Variants in KAZN observed in about 807,000 individuals in gnomAD.
KAZN encodes the protein kazrin.
Under a neutral mutation model 87.4 loss-of-function variants are expected in KAZN, and 40 were observed. The ratio of observed to expected loss-of-function variants is 0.46; its 90% CI spans 0.36 to 0.60. The LOEUF (loss-of-function observed/expected upper bound fraction) is 0.60, where lower values mean the gene tolerates loss of function less well. KAZN is among the 20% of genes least tolerant of loss of function. The pLI, the probability that KAZN is intolerant of heterozygous loss-of-function variation, is 0.00. For synonymous variants in KAZN, 466 were observed against 458.3 expected (o/e 1.02, Z -0.22); for missense variants, 898 against 1,073.9 (o/e 0.84, Z 2.29).
chr1:14,150,825 C>T (rs751957635), intron 1 of KAZN, among the ~76,000 whole-genome samples: 1 of 151,994 alleles, frequency 6.6e-6, no homozygotes, highest in Non-Finnish European at 1.5e-5. Flanking sequence ...GGTATCAGCC[C>T]CATTTTTATT....
intron 2 of KAZN, among the ~76,000 whole-genome samples, chr1:14,336,737 G>T (rs375519946): frequency 6.6e-5 from 10 of 151,924 alleles, no homozygotes; most frequent in African/African-American, 2.4e-4. Context: ...TGTGCTTTTT[G>T]CCCATTTGTA....
Position 14,837,659 on chromosome 1 carries a change from C to T in KAZN, c.227-123025C>T, listed in dbSNP as rs1647426286. ...CCTCAACCTCCTAGGCTCAAGAGATCCTCCCACCTCAGCCTCCTGAGTAGC... is the reference window on the plus strand; with the variant it reads ...CCTCAACCTCCTAGGCTCAAGAGATTCTCCCACCTCAGCCTCCTGAGTAGC... On this transcript the variant is annotated intron_variant, in intron 1 of 14. Transcript: ENST00000376030. Among the ~76,000 whole-genome samples the T allele has an allele frequency of 2.0e-5, 3 of 150,488 alleles. No individual in the cohort carries two copies. The South Asian group carries it at 6.3e-4, about 32-fold the overall frequency.
intron 2 of KAZN, among the ~76,000 whole-genome samples, chr1:14,312,189 T>C (rs1655351506): frequency 6.6e-6 from 1 of 152,200 alleles, no homozygotes; most frequent in South Asian, 2.1e-4. Flanking sequence ...CAGGTTCAAA[T>C]CCTTGCTCAG....
In KAZN at chr1:15,104,028, C is replaced by T. The variant is rs746989387; in HGVS notation, c.1887C>T (p.Tyr629=). The T allele has an allele frequency of 4.1e-5, 66 of 1,613,444 alleles. No individual in the cohort carries two copies. The South Asian group carries it at 5.7e-4, about 14-fold the overall frequency. ...TCCCCTGCCTTTGCCCCCAGGAGTA[C>T]GCAGACAACCTGACCAACAGCGGCG... ...KWVRDIDLKE[Y]ADNLTNSGVH... Residue 629 remains tyrosine, a synonymous_variant, in exon 13 of 15, where the codon TAC becomes TAT. Transcript: ENST00000376030.
intron 1 of KAZN, among the ~76,000 whole-genome samples, chr1:14,078,089 C>T (rs752941066): frequency 6.6e-5 from 10 of 152,210 alleles, no homozygotes; most frequent in African/African-American, 1.4e-4. Context: ...GACACATGAT[C>T]GTTAAGGGGT....
At chr1:14,534,714 C>G (rs1348107945) in intron 2 of KAZN, among the ~76,000 whole-genome samples, 2 of 152,156 alleles carry the variant, frequency 1.3e-5, no homozygotes, top group Non-Finnish European at 2.9e-5. Context: ...TTAGGATATC[C>G]TCCCTCTGCC....
intron 2 of KAZN, among the ~76,000 whole-genome samples, chr1:15,020,889 A>G (rs12025325): frequency 0.16 from 24,966 of 152,074 alleles, 2,684 homozygotes; most frequent in East Asian, 0.44. Context: ...GCTGGATGTG[A>G]ACCCAGATTG....
chr1:14,376,928 C>T (rs1660961013), intron 2 of KAZN, among the ~76,000 whole-genome samples: 2 of 152,180 alleles, frequency 1.3e-5, no homozygotes, highest in South Asian at 4.1e-4. Flanking sequence ...AAAGCAAATA[C>T]TTCTATAATG....
chr1:14,852,328 C>G (rs898454035), intron 1 of KAZN, among the ~76,000 whole-genome samples: 9 of 152,254 alleles, frequency 5.9e-5, no homozygotes, highest in African/African-American at 9.6e-5. Flanking sequence ...GTGGACACAG[C>G]AGGCTTTCCA....
chr1:14,086,675 T>C (rs976246667), intron 1 of KAZN, among the ~76,000 whole-genome samples: 4 of 152,222 alleles, frequency 2.6e-5, no homozygotes, highest in African/African-American at 9.6e-5. Flanking sequence ...TCCTATTTTT[T>C]TCTAGAAGTT....
At chr1:14,064,705 G>T (rs1235911143) in intron 1 of KAZN, among the ~76,000 whole-genome samples, 2 of 152,226 alleles carry the variant, frequency 1.3e-5, no homozygotes, top group African/African-American at 4.8e-5. Context: ...ACAGTCAGAG[G>T]CCCTGCCTGG....
At chr1:14,719,009 G>A (rs931271922) in intron 1 of KAZN, among the ~76,000 whole-genome samples, 8 of 152,190 alleles carry the variant, frequency 5.3e-5, no homozygotes, top group African/African-American at 1.9e-4. Context: ...GTCTCTAAGG[G>A]TGCAGGCTTG....
intron 2 of KAZN, 70 bp from the exon 3 acceptor site, chr1:15,034,679 C>T: frequency 2.5e-6 from 4 of 1,573,734 alleles, no homozygotes; most frequent in Non-Finnish European, 3.5e-6. Context: ...GGTGATGCCA[C>T]TTCTCAGCAC....
At chr1:14,919,666 G>A (rs996380670) in intron 1 of KAZN, among the ~76,000 whole-genome samples, 2 of 152,188 alleles carry the variant, frequency 1.3e-5, no homozygotes, top group Non-Finnish European at 2.9e-5. Flanking sequence ...CATGTTGGCT[G>A]GAAGATCTCA....
intron 2 of KAZN, among the ~76,000 whole-genome samples, chr1:14,422,953 G>A (rs931082908): frequency 2.0e-5 from 3 of 152,206 alleles, no homozygotes; most frequent in Non-Finnish European, 4.4e-5. Flanking sequence ...CTTTGCCTAA[G>A]GGCTGACTTG....
rs144425672 is a variant in KAZN, at chr1:14,127,801, A to G, written c.92-52634A>G. On this transcript the variant is annotated intron_variant, in intron 1 of 16. Transcript: ENST00000636203. ...TGCCAGGCTTTGAGTTGGTGCTTTG[A>G]GTCGGTGCTAGGGACACCCTGGCAG... 2.0e-3 allele frequency among the ~76,000 whole-genome samples: 300 copies of G among 152,166 alleles called. 1 individual carries two copies. Among genetic ancestry groups the G allele is most frequent in the Middle Eastern group, 0.01 (3 of 294 alleles).
intron 2 of KAZN, among the ~76,000 whole-genome samples, chr1:14,488,298 G>A (rs552889388): frequency 1.1e-4 from 16 of 152,166 alleles, no homozygotes; most frequent in Non-Finnish European, 2.2e-4. Flanking sequence ...GTTGGGGAGA[G>A]AGGAAGAAAG....
intron 2 of KAZN, among the ~76,000 whole-genome samples, chr1:14,419,493 C>T (rs978340062): frequency 2.0e-5 from 3 of 152,182 alleles, no homozygotes; most frequent in Non-Finnish European, 2.9e-5. Context: ...CCTGGACTTA[C>T]CAGAGTGTTA....
chr1:14,406,837 C>T (rs906295651), intron 2 of KAZN, among the ~76,000 whole-genome samples: 1 of 152,188 alleles, frequency 6.6e-6, no homozygotes, highest in African/African-American at 2.4e-5. Context: ...AACACACTCA[C>T]ACTCTTTGTG....
Sources: allele counts gnomAD v4.1 joint callset (sites outside exome capture counted in the v4.1 genomes callset), GRCh38; gene constraint gnomAD v4.1.1; transcripts MANE v1.5; gene names NCBI Gene and HGNC (gene_info 2026-07-23, HGNC 2026-07-21).